The following CDH12 variants were observed in gnomAD, a reference collection of about 807,000 sequenced individuals.
The protein encoded by CDH12 is cadherin-12.
CDH12 carries 41 observed loss-of-function variants against 74.1 expected under a neutral mutation model. The ratio of observed to expected loss-of-function variants is 0.55; its 90% CI spans 0.43 to 0.72. CDH12 has a LOEUF of 0.72. Ranked by LOEUF, CDH12 falls within the 30% of genes least tolerant of loss-of-function variation. CDH12 has a pLI of 0.00. For synonymous variants in CDH12, 399 were observed against 355.0 expected (o/e 1.12, Z -1.39); for missense variants, 945 against 977.2 (o/e 0.97, Z 0.44).
At chr5:22,290,855 GGTAATAAAAA>G (rs1249028813) in intron 3 of CDH12, among the ~76,000 whole-genome samples, 1 of 151,974 alleles carries the variant, frequency 6.6e-6, no homozygotes, top group African/African-American at 2.4e-5. Context: ...AAACTAAAGC[GGTAATAAAAA>G]GTCCCCCATC....
chr5:22,064,314 G>A (rs1741407464), intron 5 of CDH12, among the ~76,000 whole-genome samples: 2 of 152,106 alleles, frequency 1.3e-5, no homozygotes, highest in Non-Finnish European at 2.9e-5. Context: ...TACTGAGGGA[G>A]GACTATGTAT....
chr5:22,304,279 G>C (rs1042671895), intron 3 of CDH12, among the ~76,000 whole-genome samples: 2 of 152,044 alleles, frequency 1.3e-5, no homozygotes, highest in Non-Finnish European at 2.9e-5. Flanking sequence ...ACACTCATTT[G>C]ACTATTTTTG....
chr5:22,786,596 T>C (rs1482346152), intron 1 of CDH12, among the ~76,000 whole-genome samples: 1 of 152,176 alleles, frequency 6.6e-6, no homozygotes, highest in Non-Finnish European at 1.5e-5. Flanking sequence ...CATGTGTTAT[T>C]GTATAGTGAT....
intron 5 of CDH12, among the ~76,000 whole-genome samples, chr5:22,003,462 T>C (rs1736728465): frequency 6.6e-6 from 1 of 152,238 alleles, no homozygotes; most frequent in South Asian, 2.1e-4. Flanking sequence ...CATTCAATCA[T>C]AGATTCTATC....
At chr5:22,191,401 C>A (rs1465547637) in intron 4 of CDH12, among the ~76,000 whole-genome samples, 10 of 152,064 alleles carry the variant, frequency 6.6e-5, no homozygotes, top group Non-Finnish European at 1.0e-4. Context: ...CAGTTTCTGA[C>A]ACACAAGAGA....
At position 22,078,550 on chromosome 5, in the gene CDH12, G is replaced by A; in HGVS notation, c.127C>T (p.Pro43Ser). The change falls in exon 5 of 15, where the codon CCA (proline) becomes TCA (serine). Residue 43 changes from proline to serine, a missense_variant. Coordinates refer to ENST00000382254, the MANE Select transcript of CDH12 (RefSeq NM_004061.5). ...CGTTGGAAATGTGACCGTTGTCCTG[G>A]CAGATGGATAACATTTTCTCTTGGC... ...TEPRENVIHL[P>S]GQRSHFQRVK... is the part of the protein sequence containing the mutation. 6.2e-7 allele frequency: 1 copy of A among 1,613,904 alleles called. No homozygotes were observed. Among genetic ancestry groups the A allele is most frequent in the Non-Finnish European group, 8.5e-7 (1 of 1,179,848 alleles).
chr5:22,361,598 C>T (rs1406229066), intron 3 of CDH12, among the ~76,000 whole-genome samples: 3 of 151,982 alleles, frequency 2.0e-5, no homozygotes, highest in Non-Finnish European at 2.9e-5. Context: ...TCATATGGAG[C>T]CAAAAAAGAG....
In CDH12 at chr5:22,656,083, C is replaced by G. The variant is rs150837289; in HGVS notation, c.-522-150719G>C. Among the ~76,000 whole-genome samples, 223 of 152,018 alleles carry G rather than the reference C, an allele frequency of 1.5e-3. 4 individuals carry two copies. The East Asian group carries it at 0.033, about 22-fold the overall frequency. ...TAAATGTTGGGGCTTAGTGTAAGCC[C>G]TCTTCTGAGGGATTTGTATATATAT... On this transcript the variant is annotated intron_variant, in intron 1 of 14. Coordinates refer to ENST00000382254, the MANE Select transcript of CDH12 (RefSeq NM_004061.5).
chr5:22,300,042 T>C (rs570940259), intron 3 of CDH12, among the ~76,000 whole-genome samples: 2 of 152,326 alleles, frequency 1.3e-5, no homozygotes, highest in East Asian at 1.9e-4. Context: ...TGAATATGTA[T>C]TTATTTAAGC....
At chr5:22,009,289 G>A (rs564779718) in intron 5 of CDH12, among the ~76,000 whole-genome samples, 10 of 152,248 alleles carry the variant, frequency 6.6e-5, no homozygotes, top group Non-Finnish European at 1.3e-4. Context: ...TCTGACTTTG[G>A]CTACAGGACT....
At chr5:22,610,372 G>T (rs538226101) in intron 1 of CDH12, among the ~76,000 whole-genome samples, 79 of 152,232 alleles carry the variant, frequency 5.2e-4, no homozygotes, top group African/African-American at 1.8e-3. Flanking sequence ...AAGTTTAGCA[G>T]ATTTCTGCAT....
At chr5:22,050,338 T>C (rs527971186) in intron 5 of CDH12, among the ~76,000 whole-genome samples, 1 of 152,248 alleles carries the variant, frequency 6.6e-6, no homozygotes, top group South Asian at 2.1e-4. Context: ...CAATCTAAGT[T>C]TTCATAATAA....
At chr5:22,469,170 A>G (rs1270161439) in intron 2 of CDH12, among the ~76,000 whole-genome samples, 1 of 152,192 alleles carries the variant, frequency 6.6e-6, no homozygotes, top group Non-Finnish European at 1.5e-5. Flanking sequence ...GAGCACCTCA[A>G]AGTATACTCT....
chr5:22,035,303 A>T (rs1413603364), intron 5 of CDH12, among the ~76,000 whole-genome samples: 1 of 152,068 alleles, frequency 6.6e-6, no homozygotes, highest in Non-Finnish European at 1.5e-5. Flanking sequence ...GTTATTAGTT[A>T]TTAGCAGATT....
chr5:22,036,029 C>T (rs888295987), intron 5 of CDH12, among the ~76,000 whole-genome samples: 6 of 151,960 alleles, frequency 3.9e-5, no homozygotes, highest in African/African-American at 1.2e-4. Flanking sequence ...TGAATGCAGC[C>T]GGCATTGACA....
At chr5:22,453,782 C>G (rs1338184624) in intron 2 of CDH12, among the ~76,000 whole-genome samples, 1 of 151,942 alleles carries the variant, frequency 6.6e-6, no homozygotes, top group Non-Finnish European at 1.5e-5. Context: ...GATAGATATG[C>G]TAATTATTCT....
intron 1 of CDH12, among the ~76,000 whole-genome samples, chr5:22,750,795 T>C (rs940751854): frequency 1.3e-5 from 2 of 151,976 alleles, no homozygotes; most frequent in Non-Finnish European, 2.9e-5. Context: ...TGCAAGATAC[T>C]AAGATGAAGC....
chr5:22,172,698 G>A (rs542272525), intron 4 of CDH12, among the ~76,000 whole-genome samples: 2 of 151,824 alleles, frequency 1.3e-5, no homozygotes, highest in South Asian at 4.1e-4. Flanking sequence ...GTAGATGACT[G>A]TATACTGTCT....
At chr5:22,763,981 C>A (rs1366626744) in intron 1 of CDH12, among the ~76,000 whole-genome samples, 3 of 151,766 alleles carry the variant, frequency 2.0e-5, no homozygotes, top group African/African-American at 7.2e-5. Context: ...CTTTGGCTTA[C>A]AAAATTGTGG....
Sources: gnomAD v4.1 joint callset for allele counts (sites outside exome capture counted in the v4.1 genomes callset) on GRCh38, gnomAD v4.1.1 for gene constraint, MANE v1.5 for transcripts, NCBI Gene and HGNC (gene_info 2026-07-23, HGNC 2026-07-21) for gene names.